Variants in MACROD2 observed in about 807,000 individuals in gnomAD.
MACROD2 encodes ADP-ribose glycohydrolase MACROD2.
In MACROD2, 36 loss-of-function variants were observed where a neutral mutation model predicts 70.4. The observed-to-expected ratio is 0.51, with a 90% CI of 0.39 to 0.68. The LOEUF (loss-of-function observed/expected upper bound fraction) is 0.68. Among genes scored for constraint, MACROD2 ranks in the 30% least tolerant of loss-of-function variants. The probability of loss-of-function intolerance (pLI) is 0.00; values close to 1 mark genes in which losing one functional copy is unlikely to be tolerated. For missense variants in MACROD2, 496 were observed against 538.4 expected, an observed-to-expected ratio of 0.92 and a Z score of 0.78; for synonymous variants, 172 against 178.8, an observed-to-expected ratio of 0.96 and a Z score of 0.30.
At chr20:14,437,517 C>T (rs962510255) in intron 3 of MACROD2, among the ~76,000 whole-genome samples, 1 of 152,072 alleles carries the variant, frequency 6.6e-6, no homozygotes, top group African/African-American at 2.4e-5. Flanking sequence ...TCACTTGAAC[C>T]AGGGAAGAAG....
intron 2 of MACROD2, among the ~76,000 whole-genome samples, chr20:14,060,199 C>T (rs1400949102): frequency 6.6e-6 from 1 of 152,160 alleles, no homozygotes; most frequent in Admixed American, 6.5e-5. Context: ...TTTCCTTCCA[C>T]AAGGTTGTCT....
intron 5 of MACROD2, among the ~76,000 whole-genome samples, chr20:15,100,638 A>G (rs966233421): frequency 6.6e-6 from 1 of 152,174 alleles, no homozygotes; most frequent in Admixed American, 6.5e-5. Flanking sequence ...AGACAGAAGT[A>G]AGTAGTTGGC....
intron 4 of MACROD2, among the ~76,000 whole-genome samples, chr20:14,651,173 C>G (rs1207080495): frequency 6.6e-6 from 1 of 152,048 alleles, no homozygotes; most frequent in Non-Finnish European, 1.5e-5. Context: ...TGTGAATTTC[C>G]AAGACAGGGA....
At chr20:15,279,529 G>A (rs1386262003) in intron 6 of MACROD2, among the ~76,000 whole-genome samples, 3 of 152,182 alleles carry the variant, frequency 2.0e-5, no homozygotes, top group Non-Finnish European at 4.4e-5. Context: ...CAAGACAGCA[G>A]TGTTTTTCAA....
chr20:15,739,603 A>T (rs977547724), intron 8 of MACROD2, among the ~76,000 whole-genome samples: 2 of 152,210 alleles, frequency 1.3e-5, no homozygotes, highest in African/African-American at 4.8e-5. Flanking sequence ...TAGTAAGGAC[A>T]TTTTCATCCC....
At chr20:14,702,733 A>G (rs1180997791) in intron 5 of MACROD2, among the ~76,000 whole-genome samples, 2 of 146,072 alleles carry the variant, frequency 1.4e-5, no homozygotes, top group South Asian at 2.1e-4. Context: ...GTATATATAT[A>G]TATTTTTTTT....
At chr20:14,716,757 G>A (rs2071401321) in intron 5 of MACROD2, among the ~76,000 whole-genome samples, 1 of 152,128 alleles carries the variant, frequency 6.6e-6, no homozygotes, top group Admixed American at 6.5e-5. Context: ...ACAGTATGAT[G>A]TTGATGAGGC....
chr20:14,838,411 G>T (rs2073053398), intron 5 of MACROD2, among the ~76,000 whole-genome samples: 1 of 152,074 alleles, frequency 6.6e-6, no homozygotes, highest in African/African-American at 2.4e-5. Context: ...AATCTGAGTG[G>T]ATTAAGGGTG....
chr20:15,120,236 A>G lies in MACROD2; in HGVS notation c.419-109704A>G, dbSNP rs550619913. ...TTATTCTTTGTCATCAGCATACTCT[A>G]TCTTAGACTGTATTTTTAAGGGGGA... On this transcript the variant is annotated intron_variant, in intron 5 of 17. Coordinates refer to ENST00000684519, the MANE Select transcript of MACROD2 (RefSeq NM_001351661.2). Among the ~76,000 whole-genome samples the G allele has an allele frequency of 1.0e-4, 15 of 146,332 alleles. No individual in the cohort carries two copies. The South Asian group carries it at 2.9e-3, about 28-fold the overall frequency.
intron 4 of MACROD2, among the ~76,000 whole-genome samples, chr20:14,570,245 A>T (rs1017374294): frequency 6.6e-6 from 1 of 152,082 alleles, no homozygotes; most frequent in Non-Finnish European, 1.5e-5. Context: ...AAACCACTGG[A>T]TACCAGTAAG....
At chr20:14,860,510 C>T (rs1218795218) in intron 5 of MACROD2, among the ~76,000 whole-genome samples, 3 of 152,090 alleles carry the variant, frequency 2.0e-5, no homozygotes, top group Non-Finnish European at 4.4e-5. Context: ...ACCGCTGCAC[C>T]TCCCTCCCGG....
intron 4 of MACROD2, among the ~76,000 whole-genome samples, chr20:14,511,016 T>A (rs2085023774): frequency 6.6e-6 from 1 of 152,042 alleles, no homozygotes; most frequent in Non-Finnish European, 1.5e-5. Context: ...CAGGAGATAA[T>A]TTAAGCTTAC....
At chr20:14,602,533 A>G (rs1403171780) in intron 4 of MACROD2, among the ~76,000 whole-genome samples, 1 of 152,190 alleles carries the variant, frequency 6.6e-6, no homozygotes, top group Non-Finnish European at 1.5e-5. Flanking sequence ...ACATTTAGAA[A>G]GTCAGTCATG....
chr20:14,374,494 C>T (rs1433064129), intron 3 of MACROD2, among the ~76,000 whole-genome samples: 1 of 152,154 alleles, frequency 6.6e-6, no homozygotes, highest in Non-Finnish European at 1.5e-5. Context: ...TCTAACACCA[C>T]TTCACCATGC....
chr20:14,131,576 C>T (rs930694406), intron 3 of MACROD2, among the ~76,000 whole-genome samples: 3 of 152,066 alleles, frequency 2.0e-5, no homozygotes, highest in Non-Finnish European at 2.9e-5. Flanking sequence ...ACTTGAAATC[C>T]GGTTAGTTTT....
chr20:15,147,230 G>A (rs751257199), intron 5 of MACROD2, among the ~76,000 whole-genome samples: 9 of 152,074 alleles, frequency 5.9e-5, no homozygotes, highest in Non-Finnish European at 1.2e-4. Flanking sequence ...TTTTCAAATG[G>A]TGCTGTCATC....
At chr20:15,571,166 T>C (rs1473751742) in intron 8 of MACROD2, among the ~76,000 whole-genome samples, 1 of 152,154 alleles carries the variant, frequency 6.6e-6, no homozygotes, top group Non-Finnish European at 1.5e-5. Flanking sequence ...GAAGCCACTA[T>C]TTTATTTTTA....
intron 8 of MACROD2, among the ~76,000 whole-genome samples, chr20:15,710,069 G>A (rs920257947): frequency 6.6e-6 from 1 of 150,830 alleles, no homozygotes; most frequent in Non-Finnish European, 1.5e-5. Flanking sequence ...CTCAAAAGAA[G>A]ACATACAGAA....
intron 6 of MACROD2, among the ~76,000 whole-genome samples, chr20:15,262,162 T>C (rs150093244): frequency 6.6e-6 from 1 of 152,116 alleles, no homozygotes; most frequent in East Asian, 1.9e-4. Flanking sequence ...TGTAACTATA[T>C]TTTTGTACCC....
Sources: gnomAD v4.1 joint callset for allele counts (sites outside exome capture counted in the v4.1 genomes callset) on GRCh38, gnomAD v4.1.1 for gene constraint, MANE v1.5 for transcripts, NCBI Gene and HGNC (gene_info 2026-07-23, HGNC 2026-07-21) for gene names.